Variants in ZNF705G observed in about 807,000 individuals in gnomAD.
ZNF705G encodes the protein putative zinc finger protein 705G.
In ZNF705G, 23 loss-of-function variants were observed where a neutral mutation model predicts 19.6. The observed-to-expected ratio is 1.17, with a 90% CI of 0.84 to 1.66. ZNF705G has a LOEUF of 1.66. Ranked by LOEUF, ZNF705G falls within the 40% of genes most tolerant of loss-of-function variation. The probability of loss-of-function intolerance (pLI) is 0.00; values close to 1 mark genes in which losing one functional copy is unlikely to be tolerated. For missense variants in ZNF705G, 457 were observed against 354.4 expected, an observed-to-expected ratio of 1.29 and a Z score of -2.32; for synonymous variants, 146 against 117.7, an observed-to-expected ratio of 1.24 and a Z score of -1.56.
chr8:7,357,769 A>G lies in ZNF705G; in HGVS notation c.*207T>C, dbSNP rs1392458196. ...GAGTCCTTTGGCATGTTTAGATGCTACAACTACAGCTGAAGTCTCTTCCAC... is the reference window on the plus strand; with the variant it reads ...GAGTCCTTTGGCATGTTTAGATGCTGCAACTACAGCTGAAGTCTCTTCCAC... On this transcript the variant is annotated 3_prime_UTR_variant, in exon 7 of 7. Coordinates refer to ENST00000400156, the MANE Select transcript of ZNF705G (RefSeq NM_001164457.3). 3.9e-5 allele frequency: 33 copies of G among 857,134 alleles called. 1 individual carries two copies. The highest frequency in any genetic ancestry group is 5.7e-5 in the Non-Finnish European group (33 of 580,994). 53.1% of individuals were successfully genotyped at this position (857,134 alleles called of 1,614,324 possible).
intron 1 of ZNF705G, among the ~76,000 whole-genome samples, chr8:7,382,045 G>A (rs1163201592): frequency 1.0e-3 from 153 of 151,638 alleles, no homozygotes; most frequent in Non-Finnish European, 1.6e-3. Context: ...ACACAAGGGC[G>A]TGATACAAAA....
At chr8:7,383,224 C>T (rs1465477099) in intron 1 of ZNF705G, among the ~76,000 whole-genome samples, 1 of 148,616 alleles carries the variant, frequency 6.7e-6, no homozygotes, top group Non-Finnish European at 1.5e-5. Context: ...CTAGGTGACA[C>T]ATTAGGGGCC....
intron 3 of ZNF705G, among the ~76,000 whole-genome samples, chr8:7,362,725 A>G (rs1421021399): frequency 2.0e-5 from 3 of 149,484 alleles, no homozygotes; most frequent in African/African-American, 5.1e-5. Flanking sequence ...ACGATACCCA[A>G]CCTAGAGTCC....
chr8:7,366,093 G>A (rs1220707305), intron 2 of ZNF705G, among the ~76,000 whole-genome samples: 1 of 149,330 alleles, frequency 6.7e-6, no homozygotes, highest in Non-Finnish European at 1.5e-5. Context: ...CAGAGTAAAA[G>A]AGAATAGATT....
At chr8:7,385,428 C>G (rs1274803487) in intron 1 of ZNF705G, 70 bp downstream of exon 1, 1 of 149,142 alleles carries the variant, frequency 6.7e-6, no homozygotes, top group Non-Finnish European at 1.5e-5. Context: ...TACACTTACA[C>G]CCTGAAAGCA....
At chr8:7,368,564 A>C (rs1209104926) in intron 2 of ZNF705G, among the ~76,000 whole-genome samples, 1 of 149,826 alleles carries the variant, frequency 6.7e-6, no homozygotes, top group East Asian at 1.9e-4. Context: ...AGTACTTGTA[A>C]GACCACTGGT....
At chr8:7,360,029 G>C (rs1806500607) in intron 5 of ZNF705G, among the ~76,000 whole-genome samples, 1 of 149,370 alleles carries the variant, frequency 6.7e-6, no homozygotes, top group Non-Finnish European at 1.5e-5. Context: ...TTTCCCAAAA[G>C]TGAAAGAAAA....
chr8:7,355,676 T>A lies in ZNF705G; in HGVS notation c.*2300A>T, dbSNP rs1177341987. ...AATAATGGCTGGAGATCTGCCACCA[T>A]GCATTTGTCAAATCCCATAGAATTT... On this transcript the variant is annotated 3_prime_UTR_variant, in exon 7 of 7. Coordinates refer to ENST00000400156, the MANE Select transcript of ZNF705G (RefSeq NM_001164457.3). 4.0e-5 allele frequency: 6 copies of A among 149,782 alleles called. No homozygotes were observed. The highest frequency in any genetic ancestry group is 3.9e-4 in the Admixed American group (6 of 15,258). 9.3% of individuals were successfully genotyped at this position (149,782 alleles called of 1,614,324 possible).
intron 2 of ZNF705G, chr8:7,377,332 TG>T: frequency 5.8e-6 from 1 of 173,292 alleles, no homozygotes; most frequent in Non-Finnish European, 9.1e-6. Context: ...CCCTTCTGCA[TG>T]TAGCCAAGGG....
intron 5 of ZNF705G, 145 bp from the exon 6 acceptor site, chr8:7,359,846 A>C: frequency 7.8e-7 from 1 of 1,282,884 alleles, no homozygotes; most frequent in Non-Finnish European, 1.1e-6. Flanking sequence ...GAATAGAAGA[A>C]ATAGATTGTA....
At chr8:7,382,277 C>A (rs1807533292) in intron 1 of ZNF705G, among the ~76,000 whole-genome samples, 1 of 147,996 alleles carries the variant, frequency 6.8e-6, no homozygotes, top group Non-Finnish European at 1.5e-5. Context: ...TGGCTGTAAC[C>A]TGAGAATGTT....
chr8:7,379,375 A>G (rs1335738731), intron 2 of ZNF705G, among the ~76,000 whole-genome samples: 3 of 147,388 alleles, frequency 2.0e-5, no homozygotes, highest in Non-Finnish European at 4.4e-5. Flanking sequence ...TTTCTTAGAA[A>G]AGAAGCAGTT....
At chr8:7,381,714 A>G (rs1807506161) in intron 1 of ZNF705G, 113 bp from the exon 2 acceptor site, 1 of 148,576 alleles carries the variant, frequency 6.7e-6, no homozygotes, top group Non-Finnish European at 1.5e-5. Flanking sequence ...GGACATAAAT[A>G]TGGTAATTAT....
intron 6 of ZNF705G, among the ~76,000 whole-genome samples, chr8:7,359,104 C>T (rs1806441522): frequency 6.7e-6 from 1 of 149,466 alleles, no homozygotes; most frequent in Admixed American, 6.6e-5. Context: ...TTTTTTCTAC[C>T]CACCTTTTAC....
intron 2 of ZNF705G, among the ~76,000 whole-genome samples, chr8:7,369,020 G>T (rs1369571508): frequency 6.7e-6 from 1 of 149,742 alleles, no homozygotes; most frequent in East Asian, 1.9e-4. Flanking sequence ...GAGGCAGAAG[G>T]CAAAAGGCAT....
At chr8:7,368,092 A>T (rs1465532680) in intron 2 of ZNF705G, among the ~76,000 whole-genome samples, 1 of 149,330 alleles carries the variant, frequency 6.7e-6, no homozygotes, top group Admixed American at 6.6e-5. Context: ...TTCCCCTTAT[A>T]TATGAAAAAA....
At chr8:7,369,889 G>C (rs1807019956) in intron 2 of ZNF705G, among the ~76,000 whole-genome samples, 1 of 149,130 alleles carries the variant, frequency 6.7e-6, no homozygotes. Context: ...ACTACTAGAG[G>C]GGGAAGGGAA....
intron 2 of ZNF705G, among the ~76,000 whole-genome samples, chr8:7,379,008 C>T (rs1807366760): frequency 6.7e-6 from 1 of 150,256 alleles, no homozygotes; most frequent in Non-Finnish European, 1.5e-5. Flanking sequence ...TCCATTTAGA[C>T]ACAACTTTAG....
chr8:7,367,241 G>A (rs1209257738), intron 2 of ZNF705G, among the ~76,000 whole-genome samples: 1 of 149,398 alleles, frequency 6.7e-6, no homozygotes, highest in African/African-American at 2.6e-5. Context: ...GAGCAGGGCA[G>A]GAGAGGGCTC....
Sources: allele counts gnomAD v4.1 joint callset (sites outside exome capture counted in the v4.1 genomes callset), GRCh38; gene constraint gnomAD v4.1.1; transcripts MANE v1.5; gene names NCBI Gene and HGNC (gene_info 2026-07-23, HGNC 2026-07-21).